The following GAS2 variants were observed in gnomAD, a reference collection of about 807,000 sequenced individuals.
The protein encoded by GAS2 is growth arrest specific 2.
GAS2 carries 20 observed loss-of-function variants against 37.5 expected under a neutral mutation model. The ratio of observed to expected loss-of-function variants is 0.53; its 90% CI spans 0.37 to 0.77. The LOEUF (loss-of-function observed/expected upper bound fraction) is 0.77, where lower values mean the gene tolerates loss of function less well. Among genes scored for constraint, GAS2 ranks in the 30% least tolerant of loss-of-function variants. The probability of loss-of-function intolerance (pLI) is 0.00; values close to 1 mark genes in which losing one functional copy is unlikely to be tolerated. For synonymous variants in GAS2, 144 were observed against 132.2 expected (o/e 1.09, Z -0.61); for missense variants, 336 against 373.4 (o/e 0.90, Z 0.82).
chr11:22,627,751 G>T (rs529720536), intron 1 of GAS2, among the ~76,000 whole-genome samples: 234 of 151,076 alleles, frequency 1.5e-3, no homozygotes, highest in Non-Finnish European at 2.8e-3. Flanking sequence ...CTCCTGCCTG[G>T]GTGACACAGC....
At chr11:22,705,531 G>T (rs577142274) in intron 3 of GAS2, among the ~76,000 whole-genome samples, 3 of 152,296 alleles carry the variant, frequency 2.0e-5, no homozygotes, top group Admixed American at 6.5e-5. Context: ...CCAAGAACTT[G>T]CAGTCTAGTT....
intron 2 of GAS2, among the ~76,000 whole-genome samples, chr11:22,681,826 AT>A (rs1849694976): frequency 7.4e-6 from 1 of 134,584 alleles, no homozygotes; most frequent in Non-Finnish European, 1.6e-5. Context: ...AGCTACTTTT[AT>A]ATTATATTTT....
chr11:22,636,585 C>G (rs940052954), intron 1 of GAS2, among the ~76,000 whole-genome samples: 1 of 152,058 alleles, frequency 6.6e-6, no homozygotes, highest in African/African-American at 2.4e-5. Flanking sequence ...AGGAACCCAG[C>G]CTTAAGCCTA....
chr11:22,661,568 A>G (rs971572784), intron 1 of GAS2, among the ~76,000 whole-genome samples: 9 of 152,234 alleles, frequency 5.9e-5, no homozygotes, highest in African/African-American at 1.2e-4. Flanking sequence ...TACCAGAGAG[A>G]TCAAGAGAAC....
chr11:22,635,424 C>T (rs763798596), intron 1 of GAS2, among the ~76,000 whole-genome samples: 29 of 152,218 alleles, frequency 1.9e-4, no homozygotes, highest in Non-Finnish European at 4.0e-4. Context: ...CTGGCCCCTA[C>T]ACACTTGTTA....
At chr11:22,723,223 G>A (rs1203040727) in intron 3 of GAS2, among the ~76,000 whole-genome samples, 1 of 151,896 alleles carries the variant, frequency 6.6e-6, no homozygotes, top group Non-Finnish European at 1.5e-5. Context: ...AGTTAGATCA[G>A]TGTTACTGCT....
At chr11:22,679,506 C>T (rs1033893797) in intron 2 of GAS2, among the ~76,000 whole-genome samples, 14 of 152,008 alleles carry the variant, frequency 9.2e-5, no homozygotes, top group Admixed American at 7.2e-4. Flanking sequence ...ATTATGGCAG[C>T]CACCCATTAT....
At position 22,726,292 on chromosome 11, in the gene GAS2, A is replaced by T; in HGVS notation, c.268A>T (p.Asn90Tyr). ...TAGAACGAATTTCTTTATTTTTCAG[A>T]ATCTACCGTTGAAGAAGATCCCATG... ...ESMDANKPTK[N>Y]LPLKKIPCKT... is the part of the protein sequence containing the mutation. The change falls in exon 4 of 8, where the codon AAT (asparagine) becomes TAT (tyrosine). Residue 90 changes from asparagine to tyrosine, a missense_variant and splice_region_variant. Asn to Tyr is a moderately radical substitution (Grantham distance 143). Coordinates refer to ENST00000454584, the MANE Select transcript of GAS2 (RefSeq NM_001143830.3). The T allele has an allele frequency of 6.3e-7, 1 of 1,591,224 alleles. No homozygotes were observed. Among genetic ancestry groups the T allele is most frequent in the Non-Finnish European group, 8.5e-7 (1 of 1,174,432 alleles).
At chr11:22,633,657 G>A (rs1049188849) in intron 1 of GAS2, among the ~76,000 whole-genome samples, 2 of 152,060 alleles carry the variant, frequency 1.3e-5, no homozygotes, top group Non-Finnish European at 2.9e-5. Flanking sequence ...GAGGCAGCTG[G>A]AGAAGCTTTC....
chr11:22,786,812 GTTTTAT>G (rs1314885220), intron 7 of GAS2, among the ~76,000 whole-genome samples: 1 of 152,122 alleles, frequency 6.6e-6, no homozygotes, highest in Non-Finnish European at 1.5e-5. Flanking sequence ...GGTATTTTCA[GTTTTAT>G]TTTTGAGGAC....
chr11:22,758,451 C>A (rs1480484209), intron 7 of GAS2, among the ~76,000 whole-genome samples: 2 of 151,984 alleles, frequency 1.3e-5, no homozygotes, highest in African/African-American at 2.4e-5. Context: ...AACATTTGTC[C>A]CCTAGTTAGT....
intron 1 of GAS2, among the ~76,000 whole-genome samples, chr11:22,670,717 A>G (rs1053745525): frequency 4.6e-5 from 7 of 152,150 alleles, no homozygotes; most frequent in African/African-American, 7.2e-5. Flanking sequence ...TGTATATAGT[A>G]GAAAACACAG....
intron 7 of GAS2, among the ~76,000 whole-genome samples, chr11:22,759,587 A>G (rs1426181861): frequency 2.0e-5 from 3 of 152,212 alleles, no homozygotes; most frequent in African/African-American, 7.2e-5. Context: ...ATTTTTATCT[A>G]TATTGTGCAG....
chr11:22,739,125 C>T (rs1209308892), intron 5 of GAS2, among the ~76,000 whole-genome samples: 1 of 152,162 alleles, frequency 6.6e-6, no homozygotes. Flanking sequence ...ATTGCTGCCA[C>T]ATACTTGGGT....
chr11:22,649,294 T>G (rs996176674), intron 1 of GAS2, among the ~76,000 whole-genome samples: 61 of 152,136 alleles, frequency 4.0e-4, no homozygotes, highest in African/African-American at 1.4e-3. Flanking sequence ...ATAAGCTTTT[T>G]GATGTGCTGC....
chr11:22,796,942 A>C (rs995312289), intron 7 of GAS2, among the ~76,000 whole-genome samples: 2 of 152,066 alleles, frequency 1.3e-5, no homozygotes, highest in African/African-American at 4.8e-5. Flanking sequence ...GGAGTGGATA[A>C]ATTCTAATTT....
chr11:22,712,546 A>T (rs1851458984), intron 3 of GAS2, among the ~76,000 whole-genome samples: 3 of 152,194 alleles, frequency 2.0e-5, no homozygotes, highest in African/African-American at 7.2e-5. Flanking sequence ...AAACAATCTG[A>T]ACAGCAGCGC....
chr11:22,685,429 T>C (rs1849892768), intron 2 of GAS2, among the ~76,000 whole-genome samples: 1 of 152,206 alleles, frequency 6.6e-6, no homozygotes, highest in South Asian at 2.1e-4. Flanking sequence ...CCACCTTTTA[T>C]TTGAAATAAA....
intron 7 of GAS2, among the ~76,000 whole-genome samples, chr11:22,796,608 A>C (rs1462314879): frequency 6.6e-6 from 1 of 152,132 alleles, no homozygotes; most frequent in African/African-American, 2.4e-5. Flanking sequence ...TTTAATGTCA[A>C]TATACTAAAG....
Sources: allele counts gnomAD v4.1 joint callset (sites outside exome capture counted in the v4.1 genomes callset), GRCh38; gene constraint gnomAD v4.1.1; transcripts MANE v1.5; gene names NCBI Gene and HGNC (gene_info 2026-07-23, HGNC 2026-07-21).